Variants in MTF1 observed in about 807,000 individuals in gnomAD.
The protein encoded by MTF1 is metal regulatory transcription factor 1.
MTF1 carries 22 observed loss-of-function variants against 70.4 expected under a neutral mutation model. The ratio of observed to expected loss-of-function variants is 0.31; its 90% CI spans 0.22 to 0.45. MTF1 has a LOEUF of 0.45. Ranked by LOEUF, MTF1 falls within the 20% of genes least tolerant of loss-of-function variation. The pLI is 1.00. For missense variants in MTF1, 649 were observed against 922.0 expected, an observed-to-expected ratio of 0.70 and a Z score of 3.83; for synonymous variants, 333 against 352.8, an observed-to-expected ratio of 0.94 and a Z score of 0.63.
chr1:37,848,843 C>T (rs2148420155), intron 2 of MTF1, among the ~76,000 whole-genome samples: 1 of 152,282 alleles, frequency 6.6e-6, no homozygotes. Context: ...TCACAGTATG[C>T]AAAGACTAAA....
In MTF1 at chr1:37,838,622, T is replaced by G. The variant is rs1317670229; in HGVS notation, c.779+3A>C. 6.2e-7 allele frequency: 1 copy of G among 1,610,538 alleles called. No homozygotes were observed. Among genetic ancestry groups the G allele is most frequent in the Non-Finnish European group, 8.5e-7 (1 of 1,177,648 alleles). On this transcript the variant is annotated splice_donor_region_variant and intron_variant, in intron 4 of 10. Coordinates refer to ENST00000373036, the MANE Select transcript of MTF1 (RefSeq NM_005955.3). The stretch of plus-strand genomic sequence containing the variant: ...GTGACAAATAGAAAACAGTAAGACC[T>G]ACCGAAATGGCTTTTCCCCTGTATG...
In MTF1 at chr1:37,840,810, G is replaced by A. The variant is rs893618317; in HGVS notation, c.409-652C>T. Among the ~76,000 whole-genome samples the A allele has an allele frequency of 3.3e-5, 5 of 151,900 alleles. No individual in the cohort carries two copies. The highest frequency in any genetic ancestry group is 1.9e-4 in the East Asian group (1 of 5,192). On this transcript the variant is annotated intron_variant, in intron 2 of 10. Transcript: ENST00000373036. This position sits in a 1 kb window ranked among gnomAD's most constrained non-coding sequence, Gnocchi z 4.5. ...AGAAAAAAAAAAAAGCTGCTTCTCC[G>A]ACAAATATCAAATGGCAGATGACTC... is the stretch of plus-strand genomic sequence containing the variant.
rs1641147845 is a variant in MTF1 at position 37,835,164 on chromosome 1, G to A, written c.905C>T (p.Thr302Ile). Residue 302 changes from threonine to isoleucine, a missense_variant, in exon 6 of 11, where the codon ACT becomes ATT. Around this residue, in one of 7 missense-constraint regions of MTF1, gnomAD observed 118 missense variants for 287.2 expected, o/e 0.41. Transcript: ENST00000373036. ...CATGTGACTTTTGAGACTGTATTGA[G>A]TGCTGAATGTTTTCTCACAGCCATT... Reference protein sequence around the residue: ...PSNGCEKTFSTQYSLKSHMKG... With the variant: ...PSNGCEKTFSIQYSLKSHMKG... 6.2e-7 allele frequency: 1 copy of A among 1,613,518 alleles called. No individual in the cohort carries two copies. The highest frequency in any genetic ancestry group is 8.5e-7 in the Non-Finnish European group (1 of 1,179,466).
Position 37,835,205 on chromosome 1 carries a change from G to C in MTF1, c.864C>G (p.Pro288=). The C allele has an allele frequency of 6.2e-7, 1 of 1,613,582 alleles. No individual in the cohort carries two copies. The highest frequency in any genetic ancestry group is 8.5e-7 in the Non-Finnish European group (1 of 1,179,526). ...THVRTHTGER[P]FFCPSNGCEK... is the part of the protein sequence containing the mutation. ...CACAGCCATTACTGGGGCAGAAGAA[G>C]GGTCTTTCACCTGCAAGAATAACAA... Residue 288 remains proline, a synonymous_variant, in exon 6 of 11, where the codon CCC becomes CCG. Transcript: ENST00000373036.
intron 6 of MTF1, chr1:37,834,818 C>T (rs184814464): frequency 3.6e-4 from 205 of 577,138 alleles, no homozygotes; most frequent in African/African-American, 3.3e-3. Flanking sequence ...CACTAGAAAA[C>T]CAGAGCCGCC....
At chr1:37,819,365 G>A (rs1453147427) in intron 9 of MTF1, among the ~76,000 whole-genome samples, 2 of 152,212 alleles carry the variant, frequency 1.3e-5, no homozygotes, top group African/African-American at 2.4e-5. Flanking sequence ...GCTCACGCCT[G>A]TAATCCCAGC....
intron 2 of MTF1, among the ~76,000 whole-genome samples, chr1:37,847,871 G>A (rs1641357343): frequency 6.6e-6 from 1 of 152,234 alleles, no homozygotes; most frequent in South Asian, 2.1e-4. Flanking sequence ...TGGCTGAGGT[G>A]GGAGGATCGC....
In MTF1 at chr1:37,854,858, G is replaced by A. The variant is rs1012170351; in HGVS notation, c.408+2393C>T. Among the ~76,000 whole-genome samples, 9 of 152,278 alleles carry A rather than the reference G, an allele frequency of 5.9e-5. No individual in the cohort carries two copies. The Middle Eastern group carries it at 0.01, about 173-fold the overall frequency. On this transcript the variant is annotated intron_variant, in intron 2 of 10. Transcript: ENST00000373036. ...GCATATCCCCTGAGGTCAGGAGTTC[G>A]AGATCAGCCTGACCAACATGGAGAA... is the stretch of plus-strand genomic sequence containing the variant.
At chr1:37,829,153 T>C (rs1310644016) in intron 7 of MTF1, among the ~76,000 whole-genome samples, 2 of 151,932 alleles carry the variant, frequency 1.3e-5, no homozygotes, top group African/African-American at 2.4e-5. Flanking sequence ...GGTCTTGCTC[T>C]GTTGCCCAGG....
In MTF1 at chr1:37,837,809, A is replaced by G. The variant is rs1182730980; in HGVS notation, c.779+816T>C. 2.6e-5 allele frequency among the ~76,000 whole-genome samples: 4 copies of G among 152,182 alleles called. No homozygotes were observed. In the South Asian group the frequency reaches 8.3e-4, roughly 31 times the overall value. ...GCATGAGCCGCCATGCCCGGCCTCA[A>G]AGACATTGTTTATGGGCAGTTTTTG... On this transcript the variant is annotated intron_variant, in intron 4 of 10. Transcript: ENST00000373036.
rs1640772633 is a variant in MTF1, at chr1:37,813,772, G to A, written c.*1364C>T. The A allele has an allele frequency of 6.6e-6, 1 of 152,504 alleles. No homozygotes were observed. Among genetic ancestry groups the A allele is most frequent in the Non-Finnish European group, 1.5e-5 (1 of 68,050 alleles). 9.4% of individuals were successfully genotyped at this position (152,504 alleles called of 1,614,324 possible). ...TAGCCTGTTGAGGGAAACTTTTCAT[G>A]CTAGTATGGATTGTATCTTTTATTT... On this transcript the variant is annotated 3_prime_UTR_variant, in exon 11 of 11. Transcript: ENST00000373036.
intron 9 of MTF1, among the ~76,000 whole-genome samples, chr1:37,819,921 C>T (rs1222647325): frequency 8.0e-6 from 1 of 125,332 alleles, no homozygotes; most frequent in African/African-American, 3.1e-5. Context: ...CACTGCACTC[C>T]AGCCTAGGCA....
At chr1:37,831,725 G>C (rs1183898046) in intron 7 of MTF1, among the ~76,000 whole-genome samples, 1 of 151,968 alleles carries the variant, frequency 6.6e-6, no homozygotes, top group Admixed American at 6.6e-5. Flanking sequence ...ATGTGTAAGA[G>C]GTTTTCTTCA....
intron 2 of MTF1, among the ~76,000 whole-genome samples, chr1:37,856,767 T>C (rs1641503378): frequency 6.6e-6 from 1 of 152,192 alleles, no homozygotes; most frequent in African/African-American, 2.4e-5. Context: ...CCCAAAGTGC[T>C]GGGATTACAG....
At position 37,830,677 on chromosome 1, in the gene MTF1, T is replaced by C. The variant is rs1367914424; in HGVS notation, c.1068+1568A>G. On this transcript the variant is annotated intron_variant, in intron 7 of 10. Coordinates refer to ENST00000373036, the MANE Select transcript of MTF1 (RefSeq NM_005955.3). ...GCTCTGAACACTACAAATGATATAT[T>C]TTAGAGACTCTGGACTCTGTTACAC... 2.0e-5 allele frequency among the ~76,000 whole-genome samples: 3 copies of C among 152,242 alleles called. No homozygotes were observed. The East Asian group carries it at 5.8e-4, about 29-fold the overall frequency.
chr1:37,838,536 G>A (rs1413136304), intron 4 of MTF1, 89 bp downstream of exon 4: 1 of 1,201,532 alleles, frequency 8.3e-7, no homozygotes, highest in African/African-American at 1.5e-5. Flanking sequence ...AGTAAAGGGA[G>A]TTTTCTTTCT....
At chr1:37,824,834 G>C (rs1432598592) in intron 7 of MTF1, among the ~76,000 whole-genome samples, 1 of 152,076 alleles carries the variant, frequency 6.6e-6, no homozygotes, top group Non-Finnish European at 1.5e-5. Context: ...CAACAATGGT[G>C]AACAATAGTG....
intron 2 of MTF1, 95 bp downstream of exon 2, chr1:37,857,156 T>C (rs938693646): frequency 1.6e-6 from 2 of 1,241,644 alleles, no homozygotes; most frequent in African/African-American, 1.5e-5. Context: ...CCTAACCCCA[T>C]GCACTCCTTT....
At chr1:37,816,331 G>A (rs1640818262) in intron 10 of MTF1, among the ~76,000 whole-genome samples, 1 of 152,108 alleles carries the variant, frequency 6.6e-6, no homozygotes, top group Non-Finnish European at 1.5e-5. Flanking sequence ...GAGCCCAGGT[G>A]TTTGAGACCA....
Sources: allele counts gnomAD v4.1 joint callset (sites outside exome capture counted in the v4.1 genomes callset), GRCh38; gene constraint gnomAD v4.1.1; regional missense constraint gnomAD v4.1.1; non-coding constraint Gnocchi (gnomAD v3.1); transcripts MANE v1.5; gene names NCBI Gene and HGNC (gene_info 2026-07-23, HGNC 2026-07-21).